NPR2: variants seen among roughly 807,000 people sequenced by gnomAD.
The protein encoded by NPR2 is natriuretic peptide receptor 2, also known as atrial natriuretic peptide receptor 2.
In NPR2, 49 loss-of-function variants were observed where a neutral mutation model predicts 120.7. The observed-to-expected ratio is 0.41, with a 90% CI of 0.32 to 0.52. NPR2 has a LOEUF of 0.52. Among genes scored for constraint, NPR2 ranks in the 20% least tolerant of loss-of-function variants. The pLI is 0.36. For missense variants in NPR2, 931 were observed against 1,362.9 expected (o/e 0.68, Z 4.99); for synonymous variants, 484 against 519.8 (o/e 0.93, Z 0.94).
chr9:35,798,506 T>G (rs1353894127), intron 2 of NPR2, among the ~76,000 whole-genome samples: 3 of 152,238 alleles, frequency 2.0e-5, no homozygotes, highest in Admixed American at 1.3e-4. Context: ...TTCCTATCTC[T>G]AATGAATTGA....
In NPR2 at chr9:35,792,549, C is replaced by T. The variant is rs373312226; in HGVS notation, c.141C>T (p.Pro47=). The part of the protein sequence containing the change: ...SYAWAWPRVG[P]AVALAVEALG... ...CCTGGGCCTGGCCACGGGTGGGACC[C>T]GCTGTGGCACTAGCTGTGGAGGCTC... Residue 47 remains proline (P), a synonymous_variant, in exon 1 of 22, where the codon CCC becomes CCT. Coordinates refer to ENST00000342694, the MANE Select transcript of NPR2 (RefSeq NM_003995.4). 1.2e-5 allele frequency: 19 copies of T among 1,611,704 alleles called. No homozygotes were observed. Among genetic ancestry groups the T allele is most frequent in the Middle Eastern group, 1.6e-4 (1 of 6,084 alleles).
At chr9:35,801,194 A>G (rs61758528) in intron 7 of NPR2, 40 bp downstream of exon 7, 2 of 1,448,030 alleles carry the variant, frequency 1.4e-6, no homozygotes. Flanking sequence ...CCCTGCCCCC[A>G]TTGCCACACA....
Position 35,808,679 on chromosome 9 carries a change from T to C in NPR2, c.2883T>C (p.His961=), listed in dbSNP as rs1828566533. 6.2e-7 allele frequency: 1 copy of C among 1,614,134 alleles called. No individual in the cohort carries two copies. Among genetic ancestry groups the C allele is most frequent in the Non-Finnish European group, 8.5e-7 (1 of 1,179,966 alleles). ...AGCTGAGGCTACGCATAGGGGTCCA[T>C]ACTGGTAAGGCTGACTCTCACTCCA... ...HDQLRLRIGV[H]TGPVCAGVVG... Residue 961 remains histidine, a synonymous_variant, in exon 19 of 22, where the codon CAT becomes CAC. Coordinates refer to ENST00000342694, the MANE Select transcript of NPR2 (RefSeq NM_003995.4). The surrounding 1 kb of genome is among the most constrained non-coding windows in gnomAD (Gnocchi z 4.0).
chr9:35,799,782 CT>C (rs1828075578), intron 3 of NPR2, 51 bp downstream of exon 3: 1 of 1,500,414 alleles, frequency 6.7e-7, no homozygotes, highest in South Asian at 1.1e-5. Context: ...TGGGGAAGGG[CT>C]TCTCTCCCAA....
rs755516632 is a variant in NPR2, at chr9:35,807,403, G to C, written c.2712+5G>C. 7 of 1,596,622 alleles carry C rather than the reference G, an allele frequency of 4.4e-6. No individual in the cohort carries two copies. The highest frequency in any genetic ancestry group is 5.1e-6 in the Non-Finnish European group (6 of 1,167,748). On this transcript the variant is annotated splice_donor_5th_base_variant and intron_variant, in intron 18 of 21. Coordinates refer to ENST00000342694, the MANE Select transcript of NPR2 (RefSeq NM_003995.4). ...GACAACTTTGATGTCTACAAGGTGA[G>C]AGCTGGGGCCGCTGTTCAATAGAAG...
chr9:35,805,680 AC>A lies in NPR2; in HGVS notation c.2047+15del. ...CATGCCCTCTATGCCAGTGAGGCCC[AC>A]CCCCACAACCCACTTTTTATATTGC... On this transcript the variant is annotated intron_variant, in intron 13 of 21. Coordinates refer to ENST00000342694, the MANE Select transcript of NPR2 (RefSeq NM_003995.4). The surrounding 1 kb of genome is among the most constrained non-coding windows in gnomAD (Gnocchi z 4.9). 6.2e-7 allele frequency: 1 copy of A among 1,613,634 alleles called. No homozygotes were observed. Among genetic ancestry groups the A allele is most frequent in the South Asian group, 1.1e-5 (1 of 91,052 alleles).
rs1472880421 is a variant in NPR2, at chr9:35,808,793, C to T, written c.2926C>T (p.Arg976Cys). The T allele has an allele frequency of 1.9e-6, 3 of 1,613,706 alleles. No individual in the cohort carries two copies. The highest frequency in any genetic ancestry group is 1.1e-5 in the South Asian group (1 of 91,070). ...CAGVVGLKMP[R>C]YCLFGDTVNT... ...TGGGGTTGTTGGCCTGAAGATGCCC[C>T]GTTATTGTCTTTTTGGAGACACAGT... Residue 976 changes from arginine to cysteine, a missense_variant, in exon 20 of 22, where the codon CGT (arginine) becomes TGT (cysteine). Coordinates refer to ENST00000342694, the MANE Select transcript of NPR2 (RefSeq NM_003995.4). The surrounding 1 kb of genome is among the most constrained non-coding windows in gnomAD (Gnocchi z 4.0).
intron 18 of NPR2, chr9:35,807,917 G>A: frequency 6.1e-6 from 3 of 495,652 alleles, no homozygotes; most frequent in Non-Finnish European, 1.1e-5. Context: ...TTATCTGTAA[G>A]ATGGGAATAA....
Position 35,792,539 on chromosome 9 carries a change from G to GGGT in NPR2, c.134_136dup (p.Val45dup). On this transcript the variant is annotated inframe_insertion, in exon 1 of 22. Coordinates refer to ENST00000342694, the MANE Select transcript of NPR2 (RefSeq NM_003995.4). Reference sequence around the variant, plus strand: ...CTGAGCTATGCCTGGGCCTGGCCACGGGTGGGACCCGCTGTGGCACTAGCT... The same window carrying GGGT: ...CTGAGCTATGCCTGGGCCTGGCCACGGGTGGTGGGACCCGCTGTGGCACTAGCT... The GGGT allele has an allele frequency of 6.2e-7, 1 of 1,611,416 alleles. No homozygotes were observed. Among genetic ancestry groups the GGGT allele is most frequent in the Non-Finnish European group, 8.5e-7 (1 of 1,179,952 alleles).
intron 2 of NPR2, among the ~76,000 whole-genome samples, chr9:35,798,678 T>C (rs1828022347): frequency 6.6e-6 from 1 of 152,232 alleles, no homozygotes; most frequent in Non-Finnish European, 1.5e-5. Context: ...AAGTCTTTCC[T>C]TGAAGTTGTG....
chr9:35,801,582 T>C (rs1313458037), intron 7 of NPR2, 61 bp from the exon 8 acceptor site: 16 of 1,604,166 alleles, frequency 1.0e-5, no homozygotes, highest in Non-Finnish European at 1.4e-5. Flanking sequence ...GCAACCCTGC[T>C]GTTGGCTTGG....
At position 35,801,997 on chromosome 9, in the gene NPR2, C is replaced by T. The variant is rs375740003; in HGVS notation, c.1629C>T (p.Phe543=). 2.5e-5 allele frequency: 40 copies of T among 1,613,622 alleles called. No individual in the cohort carries two copies. In the African/African-American group the frequency reaches 5.2e-4, roughly 21 times the overall value. ...KYQIFANTGH[F]KGNVVAIKHV... Reference sequence around the variant, plus strand: ...AGATCTTTGCCAACACCGGTCACTTCAAGGTGAACAGTCATTTGCTTGTTC... The same window carrying T: ...AGATCTTTGCCAACACCGGTCACTTTAAGGTGAACAGTCATTTGCTTGTTC... Residue 543 remains phenylalanine (F), a synonymous_variant, in exon 9 of 22, where the codon TTC becomes TTT. Transcript: ENST00000342694.
chr9:35,794,200 G>C, intron 2 of NPR2, 97 bp downstream of exon 2: 1 of 1,152,550 alleles, frequency 8.7e-7, no homozygotes, highest in Middle Eastern at 3.0e-4. Flanking sequence ...GAACCAGGCA[G>C]GAATTGTGAG....
rs151336675 is a variant in NPR2, at chr9:35,793,063, G to A, written c.655G>A (p.Ala219Thr). Reference sequence around the variant, plus strand: ...CGAGCAGGCCACCCACTTCATCCGGGCCAACGGGCGCAGTGAGTGTGGCCT... The same window carrying A: ...CGAGCAGGCCACCCACTTCATCCGGACCAACGGGCGCAGTGAGTGTGGCCT... ...GPEQATHFIRANGRIVYICGP... is the reference protein window; with the variant it reads ...GPEQATHFIRTNGRIVYICGP... The change falls in exon 1 of 22, where the codon GCC (alanine) becomes ACC (threonine). Residue 219 changes from alanine (A) to threonine (T), a missense_variant. Ala to Thr is a moderately conservative substitution (Grantham distance 58). Coordinates refer to ENST00000342694, the MANE Select transcript of NPR2 (RefSeq NM_003995.4). 3.8e-6 allele frequency: 6 copies of A among 1,596,858 alleles called. No homozygotes were observed. Among genetic ancestry groups the A allele is most frequent in the Non-Finnish European group, 5.1e-6 (6 of 1,173,492 alleles).
In NPR2 at chr9:35,793,447, G is replaced by A. The variant is rs1285236814; in HGVS notation, c.667+372G>A. Reference sequence around the variant, plus strand: ...ATCAGAGCTACCACCCAGACTGGGCGCCAAGACCCCTTGGTGGTGTAAAAA... The same window carrying A: ...ATCAGAGCTACCACCCAGACTGGGCACCAAGACCCCTTGGTGGTGTAAAAA... On this transcript the variant is annotated intron_variant, in intron 1 of 21. Coordinates refer to ENST00000342694, the MANE Select transcript of NPR2 (RefSeq NM_003995.4). 3.3e-5 allele frequency among the ~76,000 whole-genome samples: 5 copies of A among 152,264 alleles called. No individual in the cohort carries two copies. The South Asian group carries it at 6.2e-4, about 19-fold the overall frequency.
At chr9:35,798,813 G>A (rs184705399) in intron 2 of NPR2, among the ~76,000 whole-genome samples, 1 of 152,304 alleles carries the variant, frequency 6.6e-6, no homozygotes, top group East Asian at 1.9e-4. Context: ...AGCCAAGCAG[G>A]CACTTTGGTG....
rs772856710 is a variant in NPR2 at position 35,809,203 on chromosome 9, C to T, written c.3034C>T (p.Leu1012=). 3.1e-6 allele frequency: 5 copies of T among 1,613,940 alleles called. No individual in the cohort carries two copies. Among genetic ancestry groups the T allele is most frequent in the Non-Finnish European group, 4.2e-6 (5 of 1,179,976 alleles). Residue 1012 remains leucine, a synonymous_variant, in exon 21 of 22, where the codon CTA becomes TTA. Transcript: ENST00000342694. This position sits in a 1 kb window ranked among gnomAD's most constrained non-coding sequence, Gnocchi z 4.1. Reference sequence around the variant, plus strand: ...TACCACCAAGGATGCCCTAGATGAGCTAGGATGCTTCCAGCTAGAGCTTCG... The same window carrying T: ...TACCACCAAGGATGCCCTAGATGAGTTAGGATGCTTCCAGCTAGAGCTTCG... ...SSTTKDALDE[L]GCFQLELRGD...
rs369313283 is a variant in NPR2 at position 35,808,519 on chromosome 9, T to C, written c.2723T>C (p.Ile908Thr). 98 of 1,614,058 alleles carry C rather than the reference T, an allele frequency of 6.1e-5. No individual in the cohort carries two copies. Among genetic ancestry groups the C allele is most frequent in the South Asian group, 1.6e-4 (15 of 91,082 alleles). The part of the protein sequence containing the change: ...DNFDVYKVET[I>T]GDAYMVVSGL... ...CCCCCTCTCAATCAGGTGGAGACGA[T>C]TGGGGATGCTTACATGGTGGTATCT... Residue 908 changes from isoleucine to threonine, a missense_variant, in exon 19 of 22, where the codon ATT becomes ACT. By Grantham distance (89) the Ile-to-Thr change is moderately conservative (BLOSUM62 -1). Transcript: ENST00000342694. This position sits in a 1 kb window ranked among gnomAD's most constrained non-coding sequence, Gnocchi z 4.0.
At position 35,799,639 on chromosome 9, in the gene NPR2, C is replaced by T. The variant is rs1255635522; in HGVS notation, c.895C>T (p.Arg299Ter). The part of the protein sequence containing the change: ...AFQTVLVITY[R>*]EPPNPEYQEF... ...ACAGACTGTATTGGTGATCACGTAC[C>T]GAGAACCCCCAAATCCTGAGTATCA... is the stretch of plus-strand genomic sequence containing the variant. Residue 299 changes from arginine (R) to a stop codon, truncating the protein, a stop_gained, in exon 3 of 22, where the codon CGA (arginine) becomes TGA (stop). Coordinates refer to ENST00000342694, the MANE Select transcript of NPR2 (RefSeq NM_003995.4). LOFTEE classifies it high-confidence loss of function. The T allele has an allele frequency of 1.9e-6, 3 of 1,613,668 alleles. No homozygotes were observed. The highest frequency in any genetic ancestry group is 2.7e-5 in the African/African-American group (2 of 74,874).
Sources: allele counts gnomAD v4.1 joint callset (sites outside exome capture counted in the v4.1 genomes callset), GRCh38; gene constraint gnomAD v4.1.1; non-coding constraint Gnocchi (gnomAD v3.1); transcripts MANE v1.5; gene names NCBI Gene and HGNC (gene_info 2026-07-23, HGNC 2026-07-21).